Variants in ADGRB3 observed in about 807,000 individuals in gnomAD.
ADGRB3 encodes the protein adhesion G protein-coupled receptor B3.
ADGRB3 carries 37 observed loss-of-function variants against 193.4 expected under a neutral mutation model. That is an observed-to-expected ratio of 0.19 (90% CI 0.15 to 0.25). ADGRB3 has a LOEUF of 0.25. Ranked by LOEUF, ADGRB3 falls within the 10% of genes least tolerant of loss-of-function variation. The pLI, the probability that ADGRB3 is intolerant of heterozygous loss-of-function variation, is 1.00. For missense variants in ADGRB3, 1,637 were observed against 1,852.9 expected (o/e 0.88, Z 2.14); for synonymous variants, 690 against 644.2 (o/e 1.07, Z -1.08).
chr6:69,088,265 CAA>C (rs1562153900), intron 17 of ADGRB3, among the ~76,000 whole-genome samples: 1 of 151,926 alleles, frequency 6.6e-6, no homozygotes, highest in Non-Finnish European at 1.5e-5. Context: ...CAAAAAGTGT[CAA>C]GTTTTATGTA....
At chr6:68,711,078 T>C (rs1765400755) in intron 3 of ADGRB3, among the ~76,000 whole-genome samples, 1 of 152,104 alleles carries the variant, frequency 6.6e-6, no homozygotes, top group African/African-American at 2.4e-5. Flanking sequence ...CAGTACATTC[T>C]TTGTTTTTCT....
chr6:69,129,346 A>C (rs180690667), intron 17 of ADGRB3, among the ~76,000 whole-genome samples: 1 of 152,298 alleles, frequency 6.6e-6, no homozygotes, highest in East Asian at 1.9e-4. Context: ...ACATGAAATA[A>C]AAACAGAAAA....
rs1393153613 is a variant in ADGRB3 at position 68,660,491 on chromosome 6, G to C, written c.757+21059G>C. ...CAATTACCTTGTGTAGGCCATACCA[G>C]AAGTTAATGATGTGAATTCTCCTTT... On this transcript the variant is annotated intron_variant, in intron 3 of 31. Coordinates refer to ENST00000370598, the MANE Select transcript of ADGRB3 (RefSeq NM_001704.3). Among the ~76,000 whole-genome samples, 7 of 150,854 alleles carry C rather than the reference G, an allele frequency of 4.6e-5. No homozygotes were observed. The East Asian group carries it at 1.4e-3, about 29-fold the overall frequency.
intron 13 of ADGRB3, among the ~76,000 whole-genome samples, chr6:69,023,165 G>A (rs947221): frequency 0.42 from 64,498 of 151,874 alleles, 14,371 homozygotes; most frequent in African/African-American, 0.47. Flanking sequence ...TTCTCTTACT[G>A]TAAGCAAAGC....
At chr6:68,960,814 T>C (rs1014773635) in intron 8 of ADGRB3, among the ~76,000 whole-genome samples, 4 of 152,104 alleles carry the variant, frequency 2.6e-5, no homozygotes, top group African/African-American at 9.7e-5. Flanking sequence ...CCATTCTGAC[T>C]CAGTAGGTCT....
chr6:68,861,978 A>G (rs1481943907), intron 3 of ADGRB3, among the ~76,000 whole-genome samples: 1 of 152,106 alleles, frequency 6.6e-6, no homozygotes, highest in Non-Finnish European at 1.5e-5. Flanking sequence ...TGTCATTATC[A>G]TTACTATCTA....
chr6:68,989,333 CAG>C (rs1769168228), intron 10 of ADGRB3, among the ~76,000 whole-genome samples: 2 of 152,016 alleles, frequency 1.3e-5, no homozygotes, highest in Non-Finnish European at 2.9e-5. Context: ...AAACTTTAAA[CAG>C]AACTTCTATA....
intron 17 of ADGRB3, among the ~76,000 whole-genome samples, chr6:69,113,744 G>A (rs1352108136): frequency 2.0e-5 from 3 of 152,074 alleles, no homozygotes; most frequent in Non-Finnish European, 4.4e-5. Context: ...ATTTATTCAA[G>A]GCCTTTTCGT....
intron 17 of ADGRB3, among the ~76,000 whole-genome samples, chr6:69,169,578 T>C (rs1291743056): frequency 6.6e-6 from 1 of 150,468 alleles, no homozygotes; most frequent in Non-Finnish European, 1.5e-5. Flanking sequence ...CATTTAATTA[T>C]AAATTAAATG....
At chr6:68,991,505 C>T (rs1046419843) in intron 10 of ADGRB3, among the ~76,000 whole-genome samples, 5 of 151,350 alleles carry the variant, frequency 3.3e-5, no homozygotes, top group Middle Eastern at 3.4e-3. Context: ...TCTGAGAAGG[C>T]GACAAAAAGC....
intron 20 of ADGRB3, among the ~76,000 whole-genome samples, chr6:69,311,885 T>C (rs568348631): frequency 7.2e-5 from 11 of 151,968 alleles, no homozygotes; most frequent in African/African-American, 2.6e-4. Context: ...TATTTCCCAT[T>C]GTAAAAAACT....
intron 13 of ADGRB3, among the ~76,000 whole-genome samples, chr6:69,037,382 T>G (rs1770904262): frequency 1.3e-5 from 2 of 152,232 alleles, no homozygotes; most frequent in African/African-American, 4.8e-5. Flanking sequence ...ACATCATAAT[T>G]GCAGAGTTAG....
chr6:68,955,216 C>T (rs1192946342), intron 6 of ADGRB3, among the ~76,000 whole-genome samples: 1 of 152,176 alleles, frequency 6.6e-6, no homozygotes, highest in African/African-American at 2.4e-5. Flanking sequence ...TCCTTCAAGG[C>T]TTGCCTGAAG....
chr6:68,890,892 A>G (rs751752925), intron 3 of ADGRB3, among the ~76,000 whole-genome samples: 16 of 152,242 alleles, frequency 1.1e-4, no homozygotes, highest in Non-Finnish European at 2.4e-4. Flanking sequence ...GAAAGATAGT[A>G]TAAGCTAACT....
intron 3 of ADGRB3, among the ~76,000 whole-genome samples, chr6:68,647,707 C>G (rs559104899): frequency 2.6e-5 from 4 of 152,142 alleles, no homozygotes; most frequent in African/African-American, 9.7e-5. Flanking sequence ...CATTGCTGAT[C>G]GGCAGCAAAG....
In ADGRB3 at chr6:69,248,848, C is replaced by T. The variant is rs1766552731; in HGVS notation, c.2814+9622C>T. ...CTGATGCTTTATGTAAAAATAACCTCCAGTTCTGACGTGTCTACCCAAGGG... is the reference window on the plus strand; with the variant it reads ...CTGATGCTTTATGTAAAAATAACCTTCAGTTCTGACGTGTCTACCCAAGGG... On this transcript the variant is annotated intron_variant, in intron 20 of 31. Transcript: ENST00000370598. 2.6e-5 allele frequency among the ~76,000 whole-genome samples: 4 copies of T among 152,224 alleles called. No homozygotes were observed. The South Asian group carries it at 6.2e-4, about 24-fold the overall frequency.
At chr6:68,727,219 T>C (rs753433647) in intron 3 of ADGRB3, among the ~76,000 whole-genome samples, 1 of 151,562 alleles carries the variant, frequency 6.6e-6, no homozygotes, top group Non-Finnish European at 1.5e-5. Flanking sequence ...TCTGTTGAAA[T>C]TGTGAAAACA....
intron 3 of ADGRB3, among the ~76,000 whole-genome samples, chr6:68,787,075 G>T (rs1766989975): frequency 6.6e-6 from 1 of 152,160 alleles, no homozygotes; most frequent in African/African-American, 2.4e-5. Context: ...GCGTTTTCTA[G>T]ATATACAATC....
chr6:69,370,385 T>C (rs1769682519), intron 29 of ADGRB3, among the ~76,000 whole-genome samples: 1 of 152,122 alleles, frequency 6.6e-6, no homozygotes, highest in African/African-American at 2.4e-5. Flanking sequence ...TTTTAAGGCT[T>C]TACTGCTTTA....
Sources: allele counts gnomAD v4.1 joint callset (sites outside exome capture counted in the v4.1 genomes callset), GRCh38; gene constraint gnomAD v4.1.1; transcripts MANE v1.5; gene names NCBI Gene and HGNC (gene_info 2026-07-23, HGNC 2026-07-21).